ATRNL1: variants seen among roughly 807,000 people sequenced by gnomAD.
The protein encoded by ATRNL1 is attractin-like protein 1.
In ATRNL1, 95 loss-of-function variants were observed where a neutral mutation model predicts 182.7. That is an observed-to-expected ratio of 0.52 (90% CI 0.44 to 0.62). The LOEUF (loss-of-function observed/expected upper bound fraction) is 0.62. ATRNL1 is among the 20% of genes least tolerant of loss of function. The pLI is 0.00. For missense variants in ATRNL1, 1,471 were observed against 1,679.5 expected (o/e 0.88, Z 2.17); for synonymous variants, 576 against 568.3 (o/e 1.01, Z -0.19).
chr10:115,138,848 C>A (rs1000241108), intron 5 of ATRNL1, among the ~76,000 whole-genome samples: 2 of 152,174 alleles, frequency 1.3e-5, no homozygotes, highest in African/African-American at 4.8e-5. Flanking sequence ...ATGGGATTTT[C>A]TTTTCTATGG....
intron 27 of ATRNL1, among the ~76,000 whole-genome samples, chr10:115,810,294 T>A (rs893708608): frequency 2.0e-5 from 3 of 152,002 alleles, no homozygotes; most frequent in African/African-American, 7.2e-5. Flanking sequence ...TAATGCTGGT[T>A]TCATGAAATG....
chr10:115,404,570 T>C, intron 20 of ATRNL1, among the ~76,000 whole-genome samples: 1 of 152,208 alleles, frequency 6.6e-6, no homozygotes, highest in East Asian at 1.9e-4. Flanking sequence ...ATCAAACTTA[T>C]TGTATAGAAC....
At chr10:115,831,773 T>TAAAAAGCTCAC (rs1408068307) in intron 27 of ATRNL1, among the ~76,000 whole-genome samples, 18 of 150,338 alleles carry the variant, frequency 1.2e-4, no homozygotes, top group South Asian at 2.1e-4. Flanking sequence ...GTGAGTTTTT[T>TAAAAAGCTCAC]TTTTTCAAGT....
At chr10:115,234,218 G>A (rs1850079101) in intron 9 of ATRNL1, among the ~76,000 whole-genome samples, 1 of 151,950 alleles carries the variant, frequency 6.6e-6, no homozygotes, top group Non-Finnish European at 1.5e-5. Context: ...TATATTTAAA[G>A]GAATTTATCC....
At chr10:115,648,862 T>G (rs1182841508) in intron 26 of ATRNL1, among the ~76,000 whole-genome samples, 1 of 152,180 alleles carries the variant, frequency 6.6e-6, no homozygotes, top group Non-Finnish European at 1.5e-5. Context: ...CACCACACTT[T>G]GTTGTGTGCC....
chr10:115,144,588 T>TG (rs1554878918), intron 5 of ATRNL1, among the ~76,000 whole-genome samples: 2 of 152,192 alleles, frequency 1.3e-5, no homozygotes, highest in African/African-American at 4.8e-5. Flanking sequence ...CCACCGTGCC[T>TG]GGGCCATGAA....
At chr10:115,885,032 A>T (rs1555109427) in intron 28 of ATRNL1, among the ~76,000 whole-genome samples, 1 of 152,214 alleles carries the variant, frequency 6.6e-6, no homozygotes, top group East Asian at 1.9e-4. Context: ...GCTAATTAAC[A>T]TTCAGACTTC....
intron 9 of ATRNL1, among the ~76,000 whole-genome samples, chr10:115,226,943 T>C (rs993412029): frequency 6.6e-6 from 1 of 152,056 alleles, no homozygotes; most frequent in Non-Finnish European, 1.5e-5. Context: ...GGATCAAAGA[T>C]TGAAATGTAA....
intron 26 of ATRNL1, among the ~76,000 whole-genome samples, chr10:115,663,317 A>G (rs1448774307): frequency 2.0e-5 from 3 of 152,096 alleles, no homozygotes; most frequent in Admixed American, 1.3e-4. Flanking sequence ...CTAGACCCTT[A>G]CTATGTATAT....
intron 26 of ATRNL1, among the ~76,000 whole-genome samples, chr10:115,668,994 A>T (rs1393465578): frequency 6.6e-6 from 1 of 152,106 alleles, no homozygotes; most frequent in Non-Finnish European, 1.5e-5. Context: ...TCCAGAAAAA[A>T]ATGCTTCGTA....
chr10:115,719,450 T>A (rs1176004535), intron 26 of ATRNL1, among the ~76,000 whole-genome samples: 2 of 152,180 alleles, frequency 1.3e-5, no homozygotes, highest in African/African-American at 2.4e-5. Context: ...GAAAAAGTGT[T>A]CACAAGTTGG....
intron 4 of ATRNL1, 28 bp from the exon 5 acceptor site, chr10:115,129,299 C>G: frequency 1.3e-6 from 2 of 1,562,756 alleles, no homozygotes; most frequent in Non-Finnish European, 1.8e-6. Flanking sequence ...TACCTTGAAT[C>G]TGAATATATA....
chr10:115,598,350 ATTATTTAT>A (rs35735636), intron 26 of ATRNL1, among the ~76,000 whole-genome samples: 8 of 145,788 alleles, frequency 5.5e-5, no homozygotes, highest in South Asian at 2.2e-4. Flanking sequence ...ATTTAAAAAA[ATTATTTAT>A]TTATTTATTT....
In ATRNL1 at chr10:115,614,295, A is replaced by C. The variant is rs374080242; in HGVS notation, c.3795+64759A>C. On this transcript the variant is annotated intron_variant, in intron 26 of 28. Coordinates refer to ENST00000355044, the MANE Select transcript of ATRNL1 (RefSeq NM_207303.4). Reference sequence around the variant, plus strand: ...CATGACCCATCAGTCTTTCTGGAGCATGTTGCTTAATTTCAATGTATTTGT... The same window carrying C: ...CATGACCCATCAGTCTTTCTGGAGCCTGTTGCTTAATTTCAATGTATTTGT... 2.0e-5 allele frequency among the ~76,000 whole-genome samples: 3 copies of C among 151,744 alleles called. No homozygotes were observed. The East Asian group carries it at 5.8e-4, about 29-fold the overall frequency.
chr10:115,876,776 G>T (rs576787590), intron 28 of ATRNL1, among the ~76,000 whole-genome samples: 1 of 152,302 alleles, frequency 6.6e-6, no homozygotes, highest in African/African-American at 2.4e-5. Context: ...GTGTTTTTAA[G>T]TTGTTAGTAA....
chr10:115,790,157 A>G (rs1046575042), intron 27 of ATRNL1, among the ~76,000 whole-genome samples: 3 of 151,816 alleles, frequency 2.0e-5, no homozygotes, highest in Admixed American at 6.6e-5. Flanking sequence ...CATAGAATGC[A>G]TGGTCTGTCA....
At chr10:115,895,954 A>C (rs1565468490) in intron 28 of ATRNL1, among the ~76,000 whole-genome samples, 1 of 152,178 alleles carries the variant, frequency 6.6e-6, no homozygotes, top group Non-Finnish European at 1.5e-5. Flanking sequence ...GTGTTTACTA[A>C]TTCGATCTAC....
chr10:115,386,393 G>A (rs1199304752), intron 19 of ATRNL1, among the ~76,000 whole-genome samples: 5 of 152,080 alleles, frequency 3.3e-5, no homozygotes, highest in Admixed American at 6.5e-5. Context: ...TTGACCTGGC[G>A]ACGGATGAAT....
intron 8 of ATRNL1, among the ~76,000 whole-genome samples, chr10:115,202,420 T>C (rs1323502979): frequency 1.3e-5 from 2 of 152,022 alleles, no homozygotes; most frequent in African/African-American, 4.8e-5. Flanking sequence ...ATACCTAATT[T>C]ATTGAGAGTT....
Sources: gnomAD v4.1 joint callset for allele counts (sites outside exome capture counted in the v4.1 genomes callset) on GRCh38, gnomAD v4.1.1 for gene constraint, MANE v1.5 for transcripts, NCBI Gene and HGNC (gene_info 2026-07-23, HGNC 2026-07-21) for gene names.